Variants in NPSR1 observed in about 807,000 individuals in gnomAD.
NPSR1 encodes neuropeptide S receptor.
NPSR1 carries 48 observed loss-of-function variants against 46.9 expected under a neutral mutation model. The observed-to-expected ratio is 1.02, with a 90% CI of 0.81 to 1.30. The LOEUF (loss-of-function observed/expected upper bound fraction) is 1.30. Ranked by LOEUF, NPSR1 falls within the 50% of genes most tolerant of loss-of-function variation. NPSR1 has a pLI of 0.00. For synonymous variants in NPSR1, 176 were observed against 168.1 expected, an observed-to-expected ratio of 1.05 and a Z score of -0.36; for missense variants, 450 against 449.5, an observed-to-expected ratio of 1.00 and a Z score of -0.01.
intron 3 of NPSR1, among the ~76,000 whole-genome samples, chr7:34,797,758 C>G (rs1788244048): frequency 6.6e-6 from 1 of 151,988 alleles, no homozygotes; most frequent in Non-Finnish European, 1.5e-5. Flanking sequence ...AAACCAAAGA[C>G]AAAGATAAAA....
intron 2 of NPSR1, among the ~76,000 whole-genome samples, chr7:34,732,739 C>G (rs890363128): frequency 6.6e-6 from 1 of 152,158 alleles, no homozygotes; most frequent in African/African-American, 2.4e-5. Context: ...TAACACATCA[C>G]TAAACAAGCA....
chr7:34,766,335 A>G (rs1786430126), intron 2 of NPSR1, among the ~76,000 whole-genome samples: 1 of 152,174 alleles, frequency 6.6e-6, no homozygotes. Context: ...CTGTGGCCCA[A>G]CAATTCCACT....
At chr7:34,774,236 C>A (rs544785263) in intron 2 of NPSR1, among the ~76,000 whole-genome samples, 8 of 152,164 alleles carry the variant, frequency 5.3e-5, no homozygotes, top group Non-Finnish European at 1.2e-4. Context: ...CATTGTCAGC[C>A]AGGATTGGCC....
intron 2 of NPSR1, among the ~76,000 whole-genome samples, chr7:34,733,565 C>G (rs1469091110): frequency 6.6e-6 from 1 of 152,112 alleles, no homozygotes; most frequent in Non-Finnish European, 1.5e-5. Flanking sequence ...TTTAGATTCT[C>G]TTTGTGAAGA....
At chr7:34,853,033 G>A (rs1253524611), downstream of NPSR1, among the ~76,000 whole-genome samples, 2 of 152,130 alleles carry the variant, frequency 1.3e-5, no homozygotes, top group Non-Finnish European at 2.9e-5. Flanking sequence ...TTTTCCCCCA[G>A]AAAATGATAA....
rs907099701 is a variant in NPSR1 at position 34,658,460 on chromosome 7, G to A, written c.48G>A (p.Gly16=). ...TEGSFDSSGT[G]QTLDSSPVAC... is the part of the protein sequence containing the mutation. ...GCAGCTTCGATTCCAGTGGGACCGG[G>A]CAGACGCTGGATTCTTCCCCAGTGG... The change falls in exon 1 of 9, where the codon GGG becomes GGA. Residue 16 remains glycine (G), a synonymous_variant. Transcript: ENST00000360581. 1.9e-6 allele frequency: 3 copies of A among 1,614,184 alleles called. No individual in the cohort carries two copies. The highest frequency in any genetic ancestry group is 1.7e-6 in the Non-Finnish European group (2 of 1,180,022).
intron 3 of NPSR1, among the ~76,000 whole-genome samples, chr7:34,805,497 A>AAC (rs1245582509): frequency 2.0e-5 from 3 of 150,586 alleles, no homozygotes; most frequent in African/African-American, 7.3e-5. Flanking sequence ...AAAAAAAAAA[A>AAC]AAAACTTAAT....
chr7:34,847,635 G>A (rs940715877), intron 7 of NPSR1, among the ~76,000 whole-genome samples: 2 of 152,204 alleles, frequency 1.3e-5, no homozygotes, highest in African/African-American at 2.4e-5. Context: ...AGACAGGCAA[G>A]CAGAGTGAAT....
chr7:34,682,146 G>A lies in NPSR1; in HGVS notation c.148-2406G>A, dbSNP rs74490325. On this transcript the variant is annotated intron_variant, in intron 1 of 8. Coordinates refer to ENST00000360581, the MANE Select transcript of NPSR1 (RefSeq NM_207172.2). ...GTGGAAAAGCTTCTGGAAAATTGGG[G>A]TGCTTCCCTAGAAGACTCAGAATGT... is the stretch of plus-strand genomic sequence containing the variant. Among the ~76,000 whole-genome samples, 25 of 152,288 alleles carry A rather than the reference G, an allele frequency of 1.6e-4. No homozygotes were observed. The East Asian group carries it at 4.6e-3, about 28-fold the overall frequency.
At chr7:34,827,627 ACAC>A in intron 5 of NPSR1, 25 bp downstream of exon 5, 1 of 456,246 alleles carries the variant, frequency 2.2e-6, no homozygotes, top group South Asian at 1.7e-5. Flanking sequence ...GGACAGGACC[ACAC>A]GGGGGGGTGG....
intron 7 of NPSR1, among the ~76,000 whole-genome samples, chr7:34,848,080 C>T (rs531800007): frequency 6.6e-6 from 1 of 152,298 alleles, no homozygotes; most frequent in South Asian, 2.1e-4. Flanking sequence ...ACTACGTGGT[C>T]AAAATGCTTC....
chr7:34,809,460 A>ATTTTTTTTTTTTTTTT (rs1157591101), intron 3 of NPSR1, among the ~76,000 whole-genome samples: 1 of 110,822 alleles, frequency 9.0e-6, no homozygotes. Flanking sequence ...TCACCCAGGT[A>ATTTTTTTTTTTTTTTT]TTTTTTTTTT....
At chr7:34,764,915 AAG>A (rs1319307203) in intron 2 of NPSR1, among the ~76,000 whole-genome samples, 1 of 152,322 alleles carries the variant, frequency 6.6e-6, no homozygotes, top group African/African-American at 2.4e-5. Flanking sequence ...ACTGGGACAA[AAG>A]AGAAGCCCTA....
intron 2 of NPSR1, among the ~76,000 whole-genome samples, chr7:34,694,448 A>G (rs1793413748): frequency 6.6e-6 from 1 of 152,214 alleles, no homozygotes; most frequent in Non-Finnish European, 1.5e-5. Context: ...ACACCTAGGA[A>G]TACTTTTAAC....
At chr7:34,683,576 A>G (rs1792771112) in intron 1 of NPSR1, among the ~76,000 whole-genome samples, 1 of 152,162 alleles carries the variant, frequency 6.6e-6, no homozygotes, top group Non-Finnish European at 1.5e-5. Flanking sequence ...AGACTGAGTA[A>G]TTTATAAAGA....
chr7:34,829,101 T>C (rs2128757148), intron 5 of NPSR1, among the ~76,000 whole-genome samples: 1 of 152,336 alleles, frequency 6.6e-6, no homozygotes. Context: ...TCATCTTTAG[T>C]CTAATAAAAT....
At chr7:34,813,507 C>T (rs1271173546) in intron 4 of NPSR1, among the ~76,000 whole-genome samples, 1 of 152,064 alleles carries the variant, frequency 6.6e-6, no homozygotes, top group Non-Finnish European at 1.5e-5. Flanking sequence ...GAGCCATGGG[C>T]AGTAATATGC....
chr7:34,859,368 A>G (rs1791131167), intron 8 of NPSR1, among the ~76,000 whole-genome samples: 1 of 151,578 alleles, frequency 6.6e-6, no homozygotes, highest in South Asian at 2.1e-4. Context: ...TCATCCAAAG[A>G]GTCTCCTCCT....
chr7:34,775,543 C>CA (rs1469079501), intron 2 of NPSR1, among the ~76,000 whole-genome samples: 1 of 152,058 alleles, frequency 6.6e-6, no homozygotes, highest in African/African-American at 2.4e-5. Context: ...AATCTTGGTA[C>CA]ATTGTATGCA....
Sources: gnomAD v4.1 joint callset for allele counts (sites outside exome capture counted in the v4.1 genomes callset) on GRCh38, gnomAD v4.1.1 for gene constraint, MANE v1.5 for transcripts, NCBI Gene and HGNC (gene_info 2026-07-23, HGNC 2026-07-21) for gene names.